NBAS: variants seen among roughly 807,000 people sequenced by gnomAD.
NBAS encodes the protein NAG/BC035112 fusion.
In NBAS, 219 loss-of-function variants were observed where a neutral mutation model predicts 302.5. That is an observed-to-expected ratio of 0.72 (90% confidence interval 0.65 to 0.81). NBAS has a LOEUF of 0.81. Among genes scored for constraint, NBAS ranks in the 30% least tolerant of loss-of-function variants. The pLI is 0.00. For missense variants in NBAS, 2,932 were observed against 2,841.6 expected, an observed-to-expected ratio of 1.03 and a Z score of -0.72; for synonymous variants, 1,118 against 1,021.6, an observed-to-expected ratio of 1.09 and a Z score of -1.80.
At chr2:15,173,578 A>G (rs1664396595) in intron 51 of NBAS, among the ~76,000 whole-genome samples, 1 of 152,232 alleles carries the variant, frequency 6.6e-6, no homozygotes, top group Non-Finnish European at 1.5e-5. Flanking sequence ...TAATTTTTGT[A>G]TTCTGTATTT....
At chr2:14,789,196 C>A in the NBAS span, among the ~76,000 whole-genome samples, 1 of 152,198 alleles carries the variant, frequency 6.6e-6, no homozygotes, top group South Asian at 2.1e-4. Flanking sequence ...AAGCGCAGTA[C>A]TGGGGTGGGA....
At chr2:14,847,420 G>GAA in the NBAS span, among the ~76,000 whole-genome samples, 1 of 114,286 alleles carries the variant, frequency 8.7e-6, no homozygotes, top group African/African-American at 3.2e-5. Context: ...CAAATAGACT[G>GAA]AAAATAAAGG....
chr2:15,440,142 T>C (rs1678283299), intron 21 of NBAS, among the ~76,000 whole-genome samples: 1 of 152,182 alleles, frequency 6.6e-6, no homozygotes, highest in Non-Finnish European at 1.5e-5. Context: ...TCTGACAGCT[T>C]TGAAGAGAGC....
At chr2:15,255,036 AGTG>A (rs1240389880) in intron 44 of NBAS, among the ~76,000 whole-genome samples, 1 of 152,120 alleles carries the variant, frequency 6.6e-6, no homozygotes, top group Non-Finnish European at 1.5e-5. Flanking sequence ...TGCATGTGCA[AGTG>A]TTTTTTTCAT....
chr2:15,368,555 C>T lies in NBAS; in HGVS notation c.3704-1862G>A, dbSNP rs138539057. Among the ~76,000 whole-genome samples, 211 of 152,224 alleles carry T rather than the reference C, an allele frequency of 1.4e-3. 3 individuals carry two copies. The highest frequency in any genetic ancestry group is 4.9e-3 in the African/African-American group (204 of 41,542). On this transcript the variant is annotated intron_variant, in intron 31 of 51. Transcript: ENST00000281513. Reference sequence around the variant, plus strand: ...ACAACAATAATCCTGTTGTGTGTGGCCTTTACTATAAAATATAAAGTAAAT... The same window carrying T: ...ACAACAATAATCCTGTTGTGTGTGGTCTTTACTATAAAATATAAAGTAAAT...
At chr2:15,423,282 T>C (rs1375944466) in intron 23 of NBAS, among the ~76,000 whole-genome samples, 1 of 152,226 alleles carries the variant, frequency 6.6e-6, no homozygotes, top group South Asian at 2.1e-4. Context: ...CTTCATAGAC[T>C]AGGATGTCAA....
At chr2:15,376,070 TGAG>T (rs1182278015) in intron 30 of NBAS, among the ~76,000 whole-genome samples, 1 of 152,206 alleles carries the variant, frequency 6.6e-6, no homozygotes, top group Non-Finnish European at 1.5e-5. Flanking sequence ...GGAACTAGAA[TGAG>T]GAGGGAGATT....
chr2:14,908,836 C>A, the NBAS span, among the ~76,000 whole-genome samples: 1 of 152,128 alleles, frequency 6.6e-6, no homozygotes, highest in Non-Finnish European at 1.5e-5. Context: ...TTTCCTCCCC[C>A]ACCTCAAAAA....
chr2:15,065,442 T>A, the NBAS span, among the ~76,000 whole-genome samples: 1 of 152,014 alleles, frequency 6.6e-6, no homozygotes, highest in East Asian at 1.9e-4. Context: ...AGCCAACTGA[T>A]AAGGAAGAAG....
intron 21 of NBAS, among the ~76,000 whole-genome samples, chr2:15,450,844 C>G (rs1376096382): frequency 7.2e-5 from 11 of 152,046 alleles, no homozygotes; most frequent in Non-Finnish European, 4.4e-5. Flanking sequence ...TTTACATGTA[C>G]TCATGATTAA....
In NBAS at chr2:15,244,763, CAG is replaced by C. The variant is rs758659130; in HGVS notation, c.5725-6079_5725-6078del. ...TGGGTGGTTTCCTCTAGTGGAGAAG[CAG>C]AGTGTGTTCTGTGGTGGAAAGAAGG... On this transcript the variant is annotated intron_variant, in intron 44 of 51. Coordinates refer to ENST00000281513, the MANE Select transcript of NBAS (RefSeq NM_015909.4). 2.2e-4 allele frequency among the ~76,000 whole-genome samples: 33 copies of C among 152,206 alleles called. No individual in the cohort carries two copies. The East Asian group carries it at 6.0e-3, about 28-fold the overall frequency.
the NBAS span, among the ~76,000 whole-genome samples, chr2:14,851,394 T>C: frequency 6.6e-6 from 1 of 151,908 alleles, no homozygotes; most frequent in Non-Finnish European, 1.5e-5. Flanking sequence ...AAGTTGAATC[T>C]CTGAATAGAC....
intron 47 of NBAS, among the ~76,000 whole-genome samples, chr2:15,219,935 C>T (rs1182357178): frequency 4.7e-5 from 7 of 147,560 alleles, no homozygotes; most frequent in African/African-American, 7.5e-5. Context: ...CCGGATGGGG[C>T]GGCTGGCCGG....
the NBAS span, among the ~76,000 whole-genome samples, chr2:15,026,711 T>G: frequency 6.6e-6 from 1 of 152,142 alleles, no homozygotes; most frequent in Non-Finnish European, 1.5e-5. Context: ...GGGTTTGCAG[T>G]TTTAGTTAAG....
intron 9 of NBAS, among the ~76,000 whole-genome samples, chr2:15,521,679 A>G (rs1315749729): frequency 6.6e-6 from 1 of 152,214 alleles, no homozygotes; most frequent in African/African-American, 2.4e-5. Context: ...CTAATGATAC[A>G]GTTCTAAGAC....
the NBAS span, among the ~76,000 whole-genome samples, chr2:14,901,070 G>T: frequency 6.6e-6 from 1 of 152,180 alleles, no homozygotes; most frequent in African/African-American, 2.4e-5. Flanking sequence ...GAAAGTCACT[G>T]CCAGGTTTAA....
chr2:15,451,503 C>CCAT (rs1411176001), intron 21 of NBAS, among the ~76,000 whole-genome samples: 1 of 152,114 alleles, frequency 6.6e-6, no homozygotes, highest in Admixed American at 6.5e-5. Flanking sequence ...AAGTAGACTT[C>CCAT]CATCTACCTT....
At chr2:14,994,268 C>T in the NBAS span, among the ~76,000 whole-genome samples, 1 of 152,158 alleles carries the variant, frequency 6.6e-6, no homozygotes, top group Admixed American at 6.5e-5. Context: ...TCAGATGTAC[C>T]TTGAAAGAAG....
intron 31 of NBAS, among the ~76,000 whole-genome samples, chr2:15,373,356 G>C (rs1322777942): frequency 6.6e-6 from 1 of 150,532 alleles, no homozygotes; most frequent in Non-Finnish European, 1.5e-5. Flanking sequence ...TTTGAGACAG[G>C]TTCTAGGTCT....
Sources: allele counts gnomAD v4.1 joint callset (sites outside exome capture counted in the v4.1 genomes callset), GRCh38; gene constraint gnomAD v4.1.1; transcripts MANE v1.5; gene names NCBI Gene and HGNC (gene_info 2026-07-23, HGNC 2026-07-21).